The following MID1 variants were observed in gnomAD, a reference collection of about 807,000 sequenced individuals.
MID1 encodes midline 1.
Under a neutral mutation model 40.4 loss-of-function variants are expected in MID1, and 7 were observed. The observed-to-expected ratio is 0.17, with a 90% confidence interval of 0.10 to 0.33. The LOEUF (loss-of-function observed/expected upper bound fraction) is 0.33. Ranked by LOEUF, MID1 falls within the 10% of genes least tolerant of loss-of-function variation. The pLI is 1.00. For missense variants in MID1, 367 were observed against 558.5 expected (o/e 0.66, Z 3.46); for synonymous variants, 229 against 221.2 (o/e 1.04, Z -0.31).
chrX:10,549,340 T>C (rs1011210599), intron 2 of MID1, among the ~76,000 whole-genome samples: 3 of 113,348 alleles, frequency 2.6e-5, no homozygotes, highest in African/African-American at 6.4e-5. Flanking sequence ...GGAAGATCAC[T>C]TGTTGAAGGT....
chrX:10,786,107 A>C (rs1602577371), intron 1 of MID1, among the ~76,000 whole-genome samples: 5 of 112,104 alleles, frequency 4.5e-5, no homozygotes, highest in East Asian at 2.8e-4. Context: ...CAATGAACTC[A>C]AACAAATTTA....
chrX:10,789,950 G>T (rs2043917101), intron 1 of MID1, among the ~76,000 whole-genome samples: 1 of 110,743 alleles, frequency 9.0e-6, no homozygotes, highest in Non-Finnish European at 1.9e-5. Flanking sequence ...TGGCATCGAT[G>T]ACCTGGACCC....
rs969291991 is a variant in MID1 at position 10,510,628 on chromosome X, C to T, written c.756+12464G>A. ...TGGGCAGATCACGAGGTCAGGAGAT[C>T]GAGACCATCCTGGCCAACTTGGCGA... On this transcript the variant is annotated intron_variant, in intron 3 of 9. Coordinates refer to ENST00000317552, the MANE Select transcript of MID1 (RefSeq NM_000381.4). Among the ~76,000 whole-genome samples the T allele has an allele frequency of 6.6e-4, 71 of 108,165 alleles. 1 individual carries two copies. The highest frequency in any genetic ancestry group is 1.6e-3 in the South Asian group (4 of 2,455). 93.9% of individuals were successfully genotyped at this position (108,165 alleles called of 115,157 possible). A position where few individuals can be genotyped will look rare whatever the true frequency, so the allele number is the denominator to read the frequency against.
chrX:10,533,482 A>AAC (rs1466867054), intron 2 of MID1, among the ~76,000 whole-genome samples: 1 of 109,522 alleles, frequency 9.1e-6, no homozygotes, highest in Non-Finnish European at 1.9e-5. Context: ...TAAAAAAAAA[A>AAC]AAACAGTCCA....
At chrX:10,602,689 G>A (rs916566017) in intron 1 of MID1, among the ~76,000 whole-genome samples, 3 of 112,116 alleles carry the variant, frequency 2.7e-5, no homozygotes, top group Non-Finnish European at 5.6e-5. Context: ...CATTGAAAAA[G>A]TAATTATACA....
chrX:10,652,795 G>C (rs112086032), intron 1 of MID1, among the ~76,000 whole-genome samples: 1 of 111,253 alleles, frequency 9.0e-6, no homozygotes, highest in Middle Eastern at 4.7e-3. Flanking sequence ...TCTGCCCATA[G>C]TTCTTGCCTC....
intron 1 of MID1, among the ~76,000 whole-genome samples, chrX:10,735,317 G>C (rs984538110): frequency 8.9e-6 from 1 of 111,869 alleles, no homozygotes; most frequent in African/African-American, 3.3e-5. Context: ...GGCCAGGCCG[G>C]TCTCAAACTC....
At chrX:10,779,730 G>T (rs2043831497) in intron 1 of MID1, among the ~76,000 whole-genome samples, 1 of 111,315 alleles carries the variant, frequency 9.0e-6, no homozygotes, top group Admixed American at 9.6e-5. Flanking sequence ...ATAATTTCTA[G>T]AATGCAACCA....
chrX:10,503,959 C>G (rs1380075232), intron 3 of MID1, among the ~76,000 whole-genome samples: 1 of 112,215 alleles, frequency 8.9e-6, no homozygotes, highest in Non-Finnish European at 1.9e-5. Context: ...AACTTTGAAA[C>G]TTCACATAAA....
chrX:10,613,720 TATATATATATATAGAG>T (rs1288411351), intron 1 of MID1, among the ~76,000 whole-genome samples: 15 of 56,038 alleles, frequency 2.7e-4, no homozygotes, highest in Non-Finnish European at 3.0e-4. Context: ...TATATATATA[TATATATATATATAGAG>T]AGAGAGAGAG....
intron 1 of MID1, among the ~76,000 whole-genome samples, chrX:10,785,326 C>A (rs2043874869): frequency 9.1e-6 from 1 of 109,711 alleles, no homozygotes; most frequent in South Asian, 3.8e-4. Flanking sequence ...AGGACACAAA[C>A]AAATGGAAGA....
At chrX:10,693,249 C>A (rs1286485758) in intron 1 of MID1, among the ~76,000 whole-genome samples, 1 of 98,933 alleles carries the variant, frequency 1.0e-5, no homozygotes, top group Non-Finnish European at 2.0e-5. Flanking sequence ...GGCTAGAGTG[C>A]AGTGGTATGA....
chrX:10,724,286 T>C (rs2043376198), intron 1 of MID1, among the ~76,000 whole-genome samples: 2 of 111,464 alleles, frequency 1.8e-5, no homozygotes, highest in East Asian at 5.6e-4. Flanking sequence ...CTCAAACTCC[T>C]GGGCTCAAAT....
At chrX:10,691,743 T>TG (rs745313685) in intron 1 of MID1, among the ~76,000 whole-genome samples, 1 of 112,206 alleles carries the variant, frequency 8.9e-6, no homozygotes, top group South Asian at 3.7e-4. Context: ...CCATAAGGTC[T>TG]GGCTGCCTGC....
At chrX:10,702,674 A>C (rs1288983269) in intron 1 of MID1, among the ~76,000 whole-genome samples, 2 of 112,603 alleles carry the variant, frequency 1.8e-5, no homozygotes, top group Non-Finnish European at 3.7e-5. Flanking sequence ...AAGTTAGTTG[A>C]TAGTTATCAA....
chrX:10,679,643 TC>T (rs1291759441), intron 1 of MID1, among the ~76,000 whole-genome samples: 2 of 111,890 alleles, frequency 1.8e-5, no homozygotes, highest in African/African-American at 6.5e-5. Context: ...TCTGGCCCTT[TC>T]CACAAAAAGT....
chrX:10,794,994 C>G (rs1310625680), intron 1 of MID1, among the ~76,000 whole-genome samples: 1 of 111,529 alleles, frequency 9.0e-6, no homozygotes, highest in East Asian at 2.8e-4. Flanking sequence ...AGTGATGACT[C>G]CAGAGCAGGA....
At chrX:10,789,021 A>C (rs2043908369) in intron 1 of MID1, among the ~76,000 whole-genome samples, 1 of 105,512 alleles carries the variant, frequency 9.5e-6, no homozygotes, top group Non-Finnish European at 1.9e-5. Flanking sequence ...CAAAGCAAAC[A>C]CAAAACAAAT....
chrX:10,469,116 G>A (rs767709101), intron 7 of MID1: 6 of 114,534 alleles, frequency 5.2e-5, no homozygotes, highest in East Asian at 2.7e-4. Flanking sequence ...CTGTTGCCCC[G>A]GCTGGAGTAC....
Sources: allele counts gnomAD v4.1 joint callset (sites outside exome capture counted in the v4.1 genomes callset), GRCh38; gene constraint gnomAD v4.1.1; transcripts MANE v1.5; gene names NCBI Gene and HGNC (gene_info 2026-07-23, HGNC 2026-07-21).